LRP1B: variants seen among roughly 807,000 people sequenced by gnomAD.
LRP1B encodes the protein LDL receptor related protein 1B.
Under a neutral mutation model 556.6 loss-of-function variants are expected in LRP1B, and 217 were observed. The ratio of observed to expected loss-of-function variants is 0.39; its 90% CI spans 0.35 to 0.44. The LOEUF is 0.44. Among genes scored for constraint, LRP1B ranks in the 20% least tolerant of loss-of-function variants. The pLI, the probability that LRP1B is intolerant of heterozygous loss-of-function variation, is 1.00. For synonymous variants in LRP1B, 2,047 were observed against 1,865.8 expected, an observed-to-expected ratio of 1.10 and a Z score of -2.50; for missense variants, 5,053 against 5,620.8, an observed-to-expected ratio of 0.90 and a Z score of 3.23.
chr2:140,330,561 C>A (rs535948483), intron 79 of LRP1B, among the ~76,000 whole-genome samples: 55 of 152,050 alleles, frequency 3.6e-4, no homozygotes, highest in African/African-American at 1.3e-3. Flanking sequence ...ACACCTTATA[C>A]AAAAATTAAC....
chr2:140,760,138 C>A (rs17514509), intron 35 of LRP1B, among the ~76,000 whole-genome samples: 6,703 of 152,216 alleles, frequency 0.044, 231 homozygotes, highest in South Asian at 0.096. Flanking sequence ...GAAAGAGATG[C>A]TCAGGATAAC....
intron 1 of LRP1B, among the ~76,000 whole-genome samples, chr2:141,959,219 C>T (rs1346009321): frequency 6.6e-6 from 1 of 151,940 alleles, no homozygotes; most frequent in Non-Finnish European, 1.5e-5. Flanking sequence ...TTTCTAATGA[C>T]CTCAAATGAG....
chr2:141,957,605 T>C (rs554470766), intron 1 of LRP1B, among the ~76,000 whole-genome samples: 1 of 152,134 alleles, frequency 6.6e-6, no homozygotes, highest in African/African-American at 2.4e-5. Context: ...TTCCTATGAT[T>C]CCAAAGCTCT....
chr2:142,047,128 T>C (rs1704287550), intron 1 of LRP1B, among the ~76,000 whole-genome samples: 1 of 151,972 alleles, frequency 6.6e-6, no homozygotes, highest in Admixed American at 6.6e-5. Flanking sequence ...GAAATTGTTG[T>C]ACTTAGGTCA....
At chr2:140,682,949 C>A (rs567215721) in intron 41 of LRP1B, among the ~76,000 whole-genome samples, 3 of 152,174 alleles carry the variant, frequency 2.0e-5, no homozygotes, top group Non-Finnish European at 4.4e-5. Context: ...ATCTGAGTAG[C>A]TCATATATGC....
intron 2 of LRP1B, among the ~76,000 whole-genome samples, chr2:141,571,774 C>T (rs1336960811): frequency 6.6e-6 from 1 of 151,834 alleles, no homozygotes; most frequent in South Asian, 2.1e-4. Flanking sequence ...ACAAGATCTT[C>T]GTAAATTATA....
intron 3 of LRP1B, among the ~76,000 whole-genome samples, chr2:141,407,185 A>T (rs1028530663): frequency 6.6e-6 from 1 of 152,148 alleles, no homozygotes; most frequent in African/African-American, 2.4e-5. Flanking sequence ...TATATTCTAT[A>T]CATTTTGAGA....
At chr2:141,534,251 C>T (rs1375233883) in intron 2 of LRP1B, among the ~76,000 whole-genome samples, 2 of 151,944 alleles carry the variant, frequency 1.3e-5, no homozygotes, top group Non-Finnish European at 2.9e-5. Context: ...CCAGAGGCTA[C>T]GAAATGAAAA....
chr2:142,018,859 C>T (rs1703237156), intron 1 of LRP1B, among the ~76,000 whole-genome samples: 3 of 151,320 alleles, frequency 2.0e-5, no homozygotes, highest in Admixed American at 2.0e-4. Flanking sequence ...CTCCATTTCA[C>T]ATCACTTTCT....
intron 1 of LRP1B, among the ~76,000 whole-genome samples, chr2:141,841,123 T>G (rs560934273): frequency 6.6e-6 from 1 of 152,242 alleles, no homozygotes; most frequent in East Asian, 1.9e-4. Context: ...AGCTCTTTAT[T>G]TAAATTTTTT....
rs1707829423 is a variant in LRP1B, at chr2:142,130,902, T to C, written c.-173A>G. On this transcript the variant is annotated 5_prime_UTR_variant, in exon 1 of 91. Transcript: ENST00000389484. ...TCCAGCCAGTCAGCCTTCTCCTGCC[T>C]GGAGCAGGATGTGGAAGGTGGAGGG... is the stretch of plus-strand genomic sequence containing the variant. 1 of 659,598 alleles carries C rather than the reference T, an allele frequency of 1.5e-6. No individual in the cohort carries two copies. The highest frequency in any genetic ancestry group is 2.7e-5 in the East Asian group (1 of 36,416). 40.9% of individuals were successfully genotyped at this position (659,598 alleles called of 1,614,324 possible).
intron 7 of LRP1B, among the ~76,000 whole-genome samples, chr2:141,120,238 A>T (rs1410480300): frequency 4.0e-5 from 6 of 151,892 alleles, no homozygotes; most frequent in Non-Finnish European, 8.8e-5. Context: ...ATGTACTCAA[A>T]CCCTCAATGA....
At chr2:141,816,379 A>G (rs1696546413) in intron 1 of LRP1B, among the ~76,000 whole-genome samples, 1 of 152,180 alleles carries the variant, frequency 6.6e-6, no homozygotes, top group African/African-American at 2.4e-5. Context: ...AGAAGGTGGA[A>G]GAACTAGACT....
chr2:142,100,743 T>C (rs781263002), intron 1 of LRP1B, among the ~76,000 whole-genome samples: 2 of 152,024 alleles, frequency 1.3e-5, no homozygotes, highest in Non-Finnish European at 2.9e-5. Flanking sequence ...GAAATCCTGA[T>C]GATAATAACC....
intron 33 of LRP1B, among the ~76,000 whole-genome samples, chr2:140,771,679 T>C (rs1689317796): frequency 6.6e-6 from 1 of 152,170 alleles, no homozygotes; most frequent in Non-Finnish European, 1.5e-5. Context: ...GATGTTCCAT[T>C]GAATTTACTA....
In LRP1B at chr2:140,287,863, G is replaced by A. The variant is rs889933677; in HGVS notation, c.12967+9945C>T. On this transcript the variant is annotated intron_variant, in intron 84 of 90. Coordinates refer to ENST00000389484, the MANE Select transcript of LRP1B (RefSeq NM_018557.3). Reference sequence around the variant, plus strand: ...AATTATTGTCTGTCTCTGGCATGACGTTACATTTTAATTTAACTTTGCTTT... The same window carrying A: ...AATTATTGTCTGTCTCTGGCATGACATTACATTTTAATTTAACTTTGCTTT... Among the ~76,000 whole-genome samples the A allele has an allele frequency of 2.6e-5, 4 of 151,642 alleles. No homozygotes were observed. The East Asian group carries it at 7.8e-4, about 30-fold the overall frequency.
At chr2:142,066,651 C>T (rs1705121010) in intron 1 of LRP1B, among the ~76,000 whole-genome samples, 1 of 151,526 alleles carries the variant, frequency 6.6e-6, no homozygotes, top group Admixed American at 6.6e-5. Context: ...TTCTCACTAT[C>T]AGAGCCATTG....
chr2:140,850,655 G>A (rs1410867332), intron 28 of LRP1B, among the ~76,000 whole-genome samples: 1 of 152,128 alleles, frequency 6.6e-6, no homozygotes, highest in Admixed American at 6.5e-5. Context: ...TTTGTACTTT[G>A]TACGTAATTA....
chr2:141,036,190 C>T lies in LRP1B; in HGVS notation c.1789+12796G>A, dbSNP rs138967503. Among the ~76,000 whole-genome samples the T allele has an allele frequency of 3.9e-3, 596 of 151,912 alleles. 3 individuals carry two copies. Among genetic ancestry groups the T allele is most frequent in the African/African-American group, 0.014 (570 of 41,440 alleles). On this transcript the variant is annotated intron_variant, in intron 11 of 90. Transcript: ENST00000389484. ...GAAACAGAACACATAAAGTATTACT[C>T]TTTGTCAGAGCATGGGAAGAAGAGG...
Sources: gnomAD v4.1 joint callset for allele counts (sites outside exome capture counted in the v4.1 genomes callset) on GRCh38, gnomAD v4.1.1 for gene constraint, MANE v1.5 for transcripts, NCBI Gene and HGNC (gene_info 2026-07-23, HGNC 2026-07-21) for gene names.